The following CACNA1I variants were observed in gnomAD, a reference collection of about 807,000 sequenced individuals.
The protein encoded by CACNA1I is calcium voltage-gated channel subunit alpha1 I, also known as voltage-dependent T-type calcium channel subunit alpha-1I.
CACNA1I carries 74 observed loss-of-function variants against 201.6 expected under a neutral mutation model. The observed-to-expected ratio is 0.37, with a 90% CI of 0.30 to 0.45. The LOEUF is 0.45. Among genes scored for constraint, CACNA1I ranks in the 20% least tolerant of loss-of-function variants. CACNA1I has a pLI of 1.00. For missense variants in CACNA1I, 2,346 were observed against 3,138.1 expected (o/e 0.75, Z 6.03); for synonymous variants, 1,431 against 1,345.2 (o/e 1.06, Z -1.40).
chr22:39,620,327 C>A (rs534346028), intron 4 of CACNA1I, among the ~76,000 whole-genome samples: 1 of 151,998 alleles, frequency 6.6e-6, no homozygotes. Flanking sequence ...TTCCATTTGT[C>A]CATTCATTCA....
chr22:39,686,413 A>G lies in CACNA1I; in HGVS notation c.*8A>G, dbSNP rs1470120467. The G allele has an allele frequency of 2.4e-6, 3 of 1,230,656 alleles. No homozygotes were observed. The highest frequency in any genetic ancestry group is 3.4e-5 in the East Asian group (1 of 29,270). 76.2% of individuals were successfully genotyped at this position (1,230,656 alleles called of 1,614,324 possible). A position where few individuals can be genotyped will look rare whatever the true frequency, so the allele number is the denominator to read the frequency against. ...AGCAAGAGGAAGAGATGAGGGTCGC[A>G]GGGGCCCCCGGCCGCCCACCGCCCG... On this transcript the variant is annotated 3_prime_UTR_variant, in exon 37 of 37. Transcript: ENST00000402142.
chr22:39,640,205 A>G (rs1443288573), intron 5 of CACNA1I, among the ~76,000 whole-genome samples: 1 of 152,180 alleles, frequency 6.6e-6, no homozygotes, highest in Non-Finnish European at 1.5e-5. Context: ...GCTGACCAAT[A>G]TGGTGAAACC....
chr22:39,686,270 G>T lies in CACNA1I; in HGVS notation c.6537G>T (p.Ser2179=). 7.7e-7 allele frequency: 1 copy of T among 1,300,354 alleles called. No individual in the cohort carries two copies. The allele number at this position is 1,300,354 out of a possible 1,614,324, so 80.6% of individuals were successfully genotyped here. The change falls in exon 37 of 37, where the codon TCG becomes TCT. Residue 2179 remains serine (S), a synonymous_variant. Transcript: ENST00000402142. ...CCCACGGCCTGGCCCGGAGCCCCTC[G>T]TGGGCCGCGGACCGCAGCAAGGACC... ...ALAHGLARSP[S]WAADRSKDPP... is the part of the protein sequence containing the mutation.
rs774119438 is a variant in CACNA1I at position 39,679,285 on chromosome 22, A to C, written c.5234A>C (p.Glu1745Ala). 1.9e-6 allele frequency: 3 copies of C among 1,572,682 alleles called. No individual in the cohort carries two copies. The highest frequency in any genetic ancestry group is 2.6e-6 in the Non-Finnish European group (3 of 1,159,834). ...AACAAGGAGGCGCAGGAGGACGCCG[A>C]GATGGATGCCGAGCTCGAGCTGGAG... ...DSNKEAQEDA[E>A]MDAELELEMA... The change falls in exon 32 of 37, where the codon GAG becomes GCG. Residue 1745 changes from glutamate (E) to alanine (A), a missense_variant. Glu to Ala is a moderately radical substitution (Grantham distance 107, BLOSUM62 -1). This residue lies in a region of CACNA1I where 441 missense variants were observed against 555.6 expected (regional missense o/e 0.79). Coordinates refer to ENST00000402142, the MANE Select transcript of CACNA1I (RefSeq NM_021096.4).
chr22:39,679,586 C>T (rs1186540421), intron 32 of CACNA1I, 136 bp from the exon 33 acceptor site: 4 of 1,065,442 alleles, frequency 3.8e-6, no homozygotes, highest in Non-Finnish European at 5.3e-6. Flanking sequence ...GAAGGGGTGA[C>T]CCTGTGATGA....
intron 5 of CACNA1I, among the ~76,000 whole-genome samples, chr22:39,638,334 G>A (rs1371647026): frequency 6.6e-6 from 1 of 152,226 alleles, no homozygotes; most frequent in Non-Finnish European, 1.5e-5. Context: ...CCACTGAATT[G>A]CAGGGGTGCC....
intron 18 of CACNA1I, 50 bp from the exon 19 acceptor site, chr22:39,663,668 C>CG: frequency 1.9e-6 from 3 of 1,608,312 alleles, no homozygotes; most frequent in Non-Finnish European, 2.5e-6. Context: ...TCCTTCTGGC[C>CG]AGGGTGGGAG....
In CACNA1I at chr22:39,570,953, C is replaced by T; in HGVS notation, c.201C>T (p.Ser67=). The T allele has an allele frequency of 6.2e-7, 1 of 1,613,662 alleles. No homozygotes were observed. The highest frequency in any genetic ancestry group is 1.1e-5 in the South Asian group (1 of 91,070). The change falls in exon 1 of 37, where the codon AGC becomes AGT. Residue 67 remains serine, a synonymous_variant. Transcript: ENST00000402142. ...TCTTCTGCCTGCGACAGACCACCAG[C>T]CCCCGGAACTGGTGCATCAAGATGG... is the stretch of plus-strand genomic sequence containing the variant. ...IAFFCLRQTT[S]PRNWCIKMVC...
rs998975853 is a variant in CACNA1I, at chr22:39,665,333, C to T, written c.3852-165C>T. Among the ~76,000 whole-genome samples the T allele has an allele frequency of 2.0e-4, 30 of 152,128 alleles. No homozygotes were observed. The highest frequency in any genetic ancestry group is 7.2e-4 in the African/African-American group (30 of 41,420). ...CGTGTCTGGGCTGCCTGGCCACTTT[C>T]TCTGCATTCCTGGAGACTGTCCTCA... On this transcript the variant is annotated intron_variant, in intron 21 of 36. Transcript: ENST00000402142. This position sits in a 1 kb window ranked among gnomAD's most constrained non-coding sequence, Gnocchi z 5.5.
chr22:39,612,588 A>G (rs1206583956), intron 3 of CACNA1I, among the ~76,000 whole-genome samples: 1 of 152,138 alleles, frequency 6.6e-6, no homozygotes, highest in East Asian at 1.9e-4. Context: ...GGGGCAGATG[A>G]GTTTCCCTTT....
In CACNA1I at chr22:39,598,234, G is replaced by A. The variant is rs776635350; in HGVS notation, c.320G>A (p.Cys107Tyr). ...TACCAGCCGTGCGACGACATGGACT[G>A]CCTGTCCGACCGCTGCAAGATCCTG... is the stretch of plus-strand genomic sequence containing the variant. ...GMYQPCDDMDCLSDRCKILQV... is the reference protein window; with the variant it reads ...GMYQPCDDMDYLSDRCKILQV... The change falls in exon 2 of 37, where the codon TGC becomes TAC. Residue 107 changes from cysteine (C) to tyrosine (Y), a missense_variant. Around this residue, in one of 13 missense-constraint regions of CACNA1I, gnomAD observed 130 missense variants for 160.7 expected, o/e 0.81. Coordinates refer to ENST00000402142, the MANE Select transcript of CACNA1I (RefSeq NM_021096.4). 1 of 1,603,916 alleles carries A rather than the reference G, an allele frequency of 6.2e-7. No homozygotes were observed. Among genetic ancestry groups the A allele is most frequent in the South Asian group, 1.1e-5 (1 of 89,612 alleles).
chr22:39,688,510 C>T lies in CACNA1I; in HGVS notation c.*2105C>T, dbSNP rs183926537. The T allele has an allele frequency of 1.6e-3, 243 of 152,224 alleles. 1 individual carries two copies. Among genetic ancestry groups the T allele is most frequent in the Non-Finnish European group, 1.8e-3 (123 of 68,024 alleles). 9.4% of individuals were successfully genotyped at this position (152,224 alleles called of 1,614,324 possible). A position where few individuals can be genotyped will look rare whatever the true frequency, so the allele number is the denominator to read the frequency against. On this transcript the variant is annotated 3_prime_UTR_variant, in exon 37 of 37. Coordinates refer to ENST00000402142, the MANE Select transcript of CACNA1I (RefSeq NM_021096.4). This position sits in a 1 kb window ranked among gnomAD's most constrained non-coding sequence, Gnocchi z 4.8. The stretch of plus-strand genomic sequence containing the variant: ...AGACAGACTTGACTTTTTGCAAGTC[C>T]GCGTGTTGCTGGAGGGACACGTGTA...
At chr22:39,664,312 G>A (rs886099667) in intron 20 of CACNA1I, among the ~76,000 whole-genome samples, 153 bp downstream of exon 20, 1 of 151,526 alleles carries the variant, frequency 6.6e-6, no homozygotes, top group Admixed American at 6.6e-5. Flanking sequence ...CCCCGGGGCT[G>A]GGCTCCCGCG....
At chr22:39,641,919 G>A (rs1405285222) in intron 6 of CACNA1I, among the ~76,000 whole-genome samples, 2 of 152,168 alleles carry the variant, frequency 1.3e-5, no homozygotes, top group Non-Finnish European at 2.9e-5. Context: ...TCATTGTTAA[G>A]AATAAAGCAG....
At position 39,673,953 on chromosome 22, in the gene CACNA1I, T is replaced by C; in HGVS notation, c.4784-10T>C. On this transcript the variant is annotated splice_polypyrimidine_tract_variant and intron_variant, in intron 28 of 36. Coordinates refer to ENST00000402142, the MANE Select transcript of CACNA1I (RefSeq NM_021096.4). The stretch of plus-strand genomic sequence containing the variant: ...GGGGCTGAGTGGGCAGGGCTGGGTC[T>C]CGCCCGCAGTGCTGAAGCTGTTGAA... The C allele has an allele frequency of 6.2e-7, 1 of 1,612,014 alleles. No homozygotes were observed. The highest frequency in any genetic ancestry group is 8.5e-7 in the Non-Finnish European group (1 of 1,179,790).
intron 1 of CACNA1I, among the ~76,000 whole-genome samples, chr22:39,572,764 GT>G (rs374764306): frequency 2.2e-4 from 32 of 146,518 alleles, no homozygotes; most frequent in South Asian, 4.3e-4. Context: ...CATTTGGCTA[GT>G]TTTTTTTTTT....
chr22:39,665,861 A>C lies in CACNA1I; in HGVS notation c.3979-20A>C, dbSNP rs761536873. 2 of 1,613,348 alleles carry C rather than the reference A, an allele frequency of 1.2e-6. No individual in the cohort carries two copies. The highest frequency in any genetic ancestry group is 4.5e-5 in the East Asian group (2 of 44,870). On this transcript the variant is annotated intron_variant, in intron 22 of 36. Coordinates refer to ENST00000402142, the MANE Select transcript of CACNA1I (RefSeq NM_021096.4). This position sits in a 1 kb window ranked among gnomAD's most constrained non-coding sequence, Gnocchi z 5.5. ...GCAACCCTCACCTGTGAGAGCACCAACCTCACCCCCTTTCCCCAGCTCTTC... is the reference window on the plus strand; with the variant it reads ...GCAACCCTCACCTGTGAGAGCACCACCCTCACCCCCTTTCCCCAGCTCTTC...
rs368802843 is a variant in CACNA1I, at chr22:39,679,202, G to A, written c.5151G>A (p.Ala1717=). ...ACTTCGTGAGCTTCGTGCTCACCGC[G>A]CAGTTCGTGCTCATCAACGTGGTGG... ...PLYFVSFVLT[A]QFVLINVVVA... is the part of the protein sequence containing the mutation. Residue 1717 remains alanine, a synonymous_variant, in exon 32 of 37, where the codon GCG becomes GCA. Transcript: ENST00000402142. 5.7e-6 allele frequency: 9 copies of A among 1,591,764 alleles called. No individual in the cohort carries two copies. The African/African-American group carries it at 6.7e-5, about 12-fold the overall frequency.
intron 1 of CACNA1I, among the ~76,000 whole-genome samples, chr22:39,589,156 G>A (rs1245159681): frequency 1.3e-5 from 2 of 150,984 alleles, no homozygotes; most frequent in Non-Finnish European, 2.9e-5. Flanking sequence ...AATGTCCCTT[G>A]GGGGACAAAA....
Sources: allele counts gnomAD v4.1 joint callset (sites outside exome capture counted in the v4.1 genomes callset), GRCh38; gene constraint gnomAD v4.1.1; regional missense constraint gnomAD v4.1.1; non-coding constraint Gnocchi (gnomAD v3.1); transcripts MANE v1.5; gene names NCBI Gene and HGNC (gene_info 2026-07-23, HGNC 2026-07-21).